Variants in PRR14L observed in about 807,000 individuals in gnomAD.
PRR14L encodes proline rich 14 like.
PRR14L carries 80 observed loss-of-function variants against 155.0 expected under a neutral mutation model. The observed-to-expected ratio is 0.52, with a 90% CI of 0.43 to 0.62. The LOEUF (loss-of-function observed/expected upper bound fraction) is 0.62. PRR14L is among the 20% of genes least tolerant of loss of function. The pLI is 0.00. For synonymous variants in PRR14L, 883 were observed against 916.0 expected, an observed-to-expected ratio of 0.96 and a Z score of 0.65; for missense variants, 2,469 against 2,548.0, an observed-to-expected ratio of 0.97 and a Z score of 0.67.
intron 2 of PRR14L, among the ~76,000 whole-genome samples, chr22:31,731,337 G>A (rs2147872458): frequency 6.6e-6 from 1 of 151,990 alleles, no homozygotes; most frequent in South Asian, 2.1e-4. Context: ...GGCCGAGGTG[G>A]GCGGATCACG....
intron 2 of PRR14L, 29 bp from the exon 3 acceptor site, chr22:31,725,639 G>A (rs755801475): frequency 1.8e-5 from 25 of 1,354,924 alleles, no homozygotes; most frequent in Non-Finnish European, 2.3e-5. Flanking sequence ...GTGGTCAAGG[G>A]GGATTCAGAA....
chr22:31,741,470 A>T (rs9621330), intron 1 of PRR14L, among the ~76,000 whole-genome samples: 11,220 of 151,652 alleles, frequency 0.074, 470 homozygotes, highest in South Asian at 0.18. Flanking sequence ...CTCAAAGAAA[A>T]AAAAGAACAA....
At chr22:31,734,218 G>A (rs920734846) in intron 2 of PRR14L, among the ~76,000 whole-genome samples, 3 of 152,046 alleles carry the variant, frequency 2.0e-5, no homozygotes, top group East Asian at 1.9e-4. Context: ...TCATCCTCCC[G>A]CCTCAGCCTC....
intron 7 of PRR14L, among the ~76,000 whole-genome samples, chr22:31,695,714 C>A (rs1033581802): frequency 6.6e-5 from 10 of 152,136 alleles, no homozygotes; most frequent in Admixed American, 5.2e-4. Flanking sequence ...TTATTTCCTG[C>A]TTGCCCAGCT....
chr22:31,699,402 A>G (rs1258723325), intron 7 of PRR14L, among the ~76,000 whole-genome samples: 2 of 152,206 alleles, frequency 1.3e-5, no homozygotes, highest in African/African-American at 4.8e-5. Context: ...ATAACTGAAA[A>G]TCCAAAATCT....
At chr22:31,701,575 G>C (rs2074563369) in intron 7 of PRR14L, 81 bp downstream of exon 7, 1 of 771,690 alleles carries the variant, frequency 1.3e-6, no homozygotes, top group Non-Finnish European at 2.2e-6. Context: ...TCAGAGTGTA[G>C]GACCATTTAA....
At chr22:31,749,512 T>C (rs2074860378) in intron 1 of PRR14L, among the ~76,000 whole-genome samples, 1 of 152,176 alleles carries the variant, frequency 6.6e-6, no homozygotes, top group Non-Finnish European at 1.5e-5. Context: ...TCAGGCAAGT[T>C]GGGTCTCACT....
At chr22:31,687,199 G>A (rs1389445538) in intron 8 of PRR14L, among the ~76,000 whole-genome samples, 1 of 151,522 alleles carries the variant, frequency 6.6e-6, no homozygotes, top group Non-Finnish European at 1.5e-5. Context: ...CACCACGCCT[G>A]GGTAATTTTG....
chr22:31,685,943 T>C (rs2006648), intron 8 of PRR14L, 140 bp from the exon 9 acceptor site: 338,069 of 748,800 alleles, frequency 0.45, 80,178 homozygotes, highest in Middle Eastern at 0.57. Context: ...CTCTTTTTCT[T>C]TTTTTTGTGA....
Position 31,712,471 on chromosome 22 carries a change from T to C in PRR14L, c.5368A>G (p.Thr1790Ala). 2 of 1,553,206 alleles carry C rather than the reference T, an allele frequency of 1.3e-6. No individual in the cohort carries two copies. Among genetic ancestry groups the C allele is most frequent in the Non-Finnish European group, 1.7e-6 (2 of 1,147,672 alleles). Residue 1790 changes from threonine (T) to alanine (A), a missense_variant, in exon 4 of 9, where the codon ACT becomes GCT. Thr to Ala is a moderately conservative substitution (Grantham distance 58). Transcript: ENST00000327423. The stretch of plus-strand genomic sequence containing the variant: ...GCTGGAGGCTGGGGAGGAGCCTGAG[T>C]GTGGGTCTGACTATGGACGCCAGTG... ...EDTGVHSQTHTQAPPQPPAPL... is the reference protein window; with the variant it reads ...EDTGVHSQTHAQAPPQPPAPL...
Position 31,716,225 on chromosome 22 carries a change from AGT to A in PRR14L, c.1612_1613del (p.Thr538Ter). On this transcript the variant is annotated frameshift_variant, in exon 4 of 9. Coordinates refer to ENST00000327423, the MANE Select transcript of PRR14L (RefSeq NM_173566.3). LOFTEE classifies it high-confidence loss of function. ...TGCTGACTAAGGAGTTACAGTCTTTAGTGTAAAAAGATTTACTTAATATATTG... is the reference window on the plus strand; with the variant it reads ...TGCTGACTAAGGAGTTACAGTCTTTAGTAAAAAGATTTACTTAATATATTG... Reference protein sequence around the residue: ...EPNILSKSFYTKDCNSLVSIQ... With the variant: ...EPNILSKSFYXKDCNSLVSIQ... 6.4e-7 allele frequency: 1 copy of A among 1,551,530 alleles called. No homozygotes were observed. Among genetic ancestry groups the A allele is most frequent in the Non-Finnish European group, 8.7e-7 (1 of 1,146,868 alleles).
chr22:31,702,914 C>T lies in PRR14L; in HGVS notation c.6000+636G>A, dbSNP rs142873505. Among the ~76,000 whole-genome samples the T allele has an allele frequency of 3.4e-3, 512 of 151,966 alleles. 3 individuals are homozygous for T. The highest frequency in any genetic ancestry group is 0.012 in the African/African-American group (486 of 41,424). On this transcript the variant is annotated intron_variant, in intron 6 of 8. Transcript: ENST00000327423. ...TGCTGCAAACTCTGCCTCCCGGGCTCAAGCAATTCTCCCTCCTCAGCCTCC... is the reference window on the plus strand; with the variant it reads ...TGCTGCAAACTCTGCCTCCCGGGCTTAAGCAATTCTCCCTCCTCAGCCTCC...
rs2074475918 is a variant in PRR14L, at chr22:31,685,064, G to C, written c.*463C>G. The C allele has an allele frequency of 6.2e-6, 1 of 162,168 alleles. No homozygotes were observed. Among genetic ancestry groups the C allele is most frequent in the Non-Finnish European group, 1.4e-5 (1 of 73,600 alleles). The allele number at this position is 162,168 out of a possible 1,614,324, so 10.0% of individuals were successfully genotyped here. On this transcript the variant is annotated 3_prime_UTR_variant, in exon 9 of 9. Transcript: ENST00000327423. Reference sequence around the variant, plus strand: ...TTTCCTCAACTACTGAAATGAGCCAGTGAGACCACACAGGACAGGACGCCA... The same window carrying C: ...TTTCCTCAACTACTGAAATGAGCCACTGAGACCACACAGGACAGGACGCCA...
intron 7 of PRR14L, among the ~76,000 whole-genome samples, chr22:31,690,169 G>A (rs901336089): frequency 6.6e-6 from 1 of 152,104 alleles, no homozygotes; most frequent in Non-Finnish European, 1.5e-5. Flanking sequence ...CACCCACCTC[G>A]GCCTCCCAAA....
At chr22:31,736,661 T>C (rs2074783384) in intron 2 of PRR14L, among the ~76,000 whole-genome samples, 2 of 152,128 alleles carry the variant, frequency 1.3e-5, no homozygotes, top group South Asian at 2.1e-4. Context: ...AATAAAGTTT[T>C]ATTGGAATAC....
Position 31,681,840 on chromosome 22 carries a change from G to A in PRR14L, c.*3687C>T, listed in dbSNP as rs1232718891. 1.3e-5 allele frequency: 2 copies of A among 152,150 alleles called. No homozygotes were observed. Among genetic ancestry groups the A allele is most frequent in the African/African-American group, 4.8e-5 (2 of 41,436 alleles). 9.4% of individuals were successfully genotyped at this position (152,150 alleles called of 1,614,324 possible). A position where few individuals can be genotyped will look rare whatever the true frequency, so the allele number is the denominator to read the frequency against. ...CCTTTTCTGACACGAATCCAGGAAA[G>A]GATACTCTGCACTTCTGGCCAATTA... On this transcript the variant is annotated 3_prime_UTR_variant, in exon 9 of 9. Coordinates refer to ENST00000327423, the MANE Select transcript of PRR14L (RefSeq NM_173566.3).
intron 7 of PRR14L, 90 bp from the exon 8 acceptor site, chr22:31,688,317 C>A: frequency 1.4e-6 from 2 of 1,398,910 alleles, no homozygotes; most frequent in Non-Finnish European, 1.9e-6. Context: ...GGCTGAAGGG[C>A]AGTGACATGA....
chr22:31,743,653 T>C (rs973670656), intron 1 of PRR14L, among the ~76,000 whole-genome samples: 2 of 151,720 alleles, frequency 1.3e-5, no homozygotes, highest in Non-Finnish European at 2.9e-5. Context: ...ATCCAAAAAA[T>C]TAGCTGGGCA....
At chr22:31,746,153 C>A (rs1234246794) in intron 1 of PRR14L, among the ~76,000 whole-genome samples, 1 of 152,254 alleles carries the variant, frequency 6.6e-6, no homozygotes. Context: ...TGGTCTTGAG[C>A]TCCTGGCCTC....
Sources: gnomAD v4.1 joint callset for allele counts (sites outside exome capture counted in the v4.1 genomes callset) on GRCh38, gnomAD v4.1.1 for gene constraint, MANE v1.5 for transcripts, NCBI Gene and HGNC (gene_info 2026-07-23, HGNC 2026-07-21) for gene names.